Variants in SIAH1 observed in about 807,000 individuals in gnomAD.
SIAH1 encodes siah E3 ubiquitin protein ligase 1.
In SIAH1, 2 loss-of-function variants were observed where a neutral mutation model predicts 20.0. The ratio of observed to expected loss-of-function variants is 0.10; its 90% CI spans 0.04 to 0.31. The LOEUF is 0.31. Among genes scored for constraint, SIAH1 ranks in the 10% least tolerant of loss-of-function variants. The probability of loss-of-function intolerance (pLI) is 1.00; values close to 1 mark genes in which losing one functional copy is unlikely to be tolerated. For missense variants in SIAH1, 119 were observed against 355.3 expected, an observed-to-expected ratio of 0.33 and a Z score of 5.35; for synonymous variants, 118 against 125.3, an observed-to-expected ratio of 0.94 and a Z score of 0.39.
chr16:48,387,009 A>G (rs1490173390), upstream of SIAH1: 1 of 152,258 alleles, frequency 6.6e-6, no homozygotes, highest in Admixed American at 6.5e-5. Context: ...TCCATCTGAA[A>G]ATAACAGTCT....
rs988558019 is a variant in SIAH1, at chr16:48,361,652, A to G, written c.777T>C (p.Phe259=). Residue 259 remains phenylalanine (F), a synonymous_variant, in exon 2 of 2, where the codon TTT becomes TTC. Coordinates refer to ENST00000394725, the MANE Select transcript of SIAH1 (RefSeq NM_003031.4). ...CAAAAAGCTGTGCAATGCTGGTGTC[A>G]AAGACTAGACAGTCGCTATTCATAA... ...TAIMNSDCLV[F]DTSIAQLFAE... is the part of the protein sequence containing the mutation. The G allele has an allele frequency of 2.5e-6, 4 of 1,613,074 alleles. No individual in the cohort carries two copies. The highest frequency in any genetic ancestry group is 1.1e-5 in the South Asian group (1 of 91,074).
chr16:48,369,970 C>T (rs1048881506), intron 1 of SIAH1, among the ~76,000 whole-genome samples: 2 of 152,214 alleles, frequency 1.3e-5, no homozygotes, highest in African/African-American at 4.8e-5. Flanking sequence ...AAGTCTGAAG[C>T]TCTTGCATAA....
At chr16:48,383,434 G>C (rs534599011) in intron 1 of SIAH1, among the ~76,000 whole-genome samples, 9 of 152,112 alleles carry the variant, frequency 5.9e-5, no homozygotes, top group Admixed American at 1.3e-4. Context: ...ACCATAATTT[G>C]AGCCAACAAC....
At chr16:48,380,865 G>A (rs954138399) in intron 1 of SIAH1, among the ~76,000 whole-genome samples, 56 of 132,726 alleles carry the variant, frequency 4.2e-4, no homozygotes, top group African/African-American at 1.5e-3. Context: ...GGATGTGGAG[G>A]TTGCAATGAG....
intron 1 of SIAH1, among the ~76,000 whole-genome samples, chr16:48,373,305 G>A (rs538649511): frequency 2.8e-4 from 42 of 152,250 alleles, no homozygotes; most frequent in South Asian, 1.0e-3. Flanking sequence ...CCCCAGATTT[G>A]TAAATCCAAT....
chr16:48,372,442 A>G (rs1376272160), intron 1 of SIAH1, among the ~76,000 whole-genome samples: 1 of 152,196 alleles, frequency 6.6e-6, no homozygotes, highest in Non-Finnish European at 1.5e-5. Flanking sequence ...TAAAAATTTA[A>G]TATTTTACTT....
upstream of SIAH1, among the ~76,000 whole-genome samples, chr16:48,385,746 A>AC (rs1343314210): frequency 7.6e-4 from 113 of 149,408 alleles, 1 homozygote; most frequent in South Asian, 0.017. Flanking sequence ...GGGCCGCGTG[A>AC]CCCCCCCGGC....
intron 1 of SIAH1, among the ~76,000 whole-genome samples, chr16:48,372,895 T>C (rs768334134): frequency 1.3e-5 from 2 of 152,316 alleles, no homozygotes; most frequent in African/African-American, 4.8e-5. Flanking sequence ...GTGGTTTTGT[T>C]TGTATTTAAA....
At position 48,361,551 on chromosome 16, in the gene SIAH1, C is replaced by CCTAA; in HGVS notation, c.*28_*29insTTAG. On this transcript the variant is annotated 3_prime_UTR_variant, in exon 2 of 2. Coordinates refer to ENST00000394725, the MANE Select transcript of SIAH1 (RefSeq NM_003031.4). ...TTTTCTGTGAAACTGAAGTTTTAAA[C>CCTAA]ACTGGCCAGAAAATGTTTGATTGCC... The CCTAA allele has an allele frequency of 6.2e-7, 1 of 1,604,720 alleles. No individual in the cohort carries two copies. The highest frequency in any genetic ancestry group is 1.3e-5 in the African/African-American group (1 of 74,976).
intron 1 of SIAH1, chr16:48,363,998 G>A (rs1337088481): frequency 7.6e-6 from 1 of 131,212 alleles, no homozygotes; most frequent in Non-Finnish European, 1.5e-5. Flanking sequence ...TGCCCAGGCT[G>A]GAGTGCAATG....
Position 48,385,272 on chromosome 16 carries a change from C to T in SIAH1, c.-71G>A, listed in dbSNP as rs1211263303. On this transcript the variant is annotated 5_prime_UTR_variant, in exon 1 of 2. The change creates a new upstream start codon in the 5' untranslated region. Transcript: ENST00000394725. ...CGCGCTCCGTCGCCAACCCCCGCCA[C>T]CGCGGGCAGCGCCACCGCCTCTTCC... 1 of 314,854 alleles carries T rather than the reference C, an allele frequency of 3.2e-6. No individual in the cohort carries two copies. The highest frequency in any genetic ancestry group is 6.8e-6 in the Non-Finnish European group (1 of 148,070). The allele number at this position is 314,854 out of a possible 1,614,324, so 19.5% of individuals were successfully genotyped here. A position where few individuals can be genotyped will look rare whatever the true frequency, so the allele number is the denominator to read the frequency against.
In SIAH1 at chr16:48,385,283, GCCA is replaced by G. The variant is rs1294706632; in HGVS notation, c.-85_-83del. On this transcript the variant is annotated 5_prime_UTR_variant, in exon 1 of 2. Transcript: ENST00000394725. ...GCCAACCCCCGCCACCGCGGGCAGCGCCACCGCCTCTTCCCGGCGCCGAGACCG... is the reference window on the plus strand; with the variant it reads ...GCCAACCCCCGCCACCGCGGGCAGCGCCGCCTCTTCCCGGCGCCGAGACCG... 3.3e-6 allele frequency: 1 copy of G among 299,632 alleles called. No individual in the cohort carries two copies. The highest frequency in any genetic ancestry group is 7.1e-6 in the Non-Finnish European group (1 of 140,206). The allele number at this position is 299,632 out of a possible 1,614,324, so 18.6% of individuals were successfully genotyped here.
intron 1 of SIAH1, among the ~76,000 whole-genome samples, chr16:48,380,472 A>C (rs375782400): frequency 1.3e-4 from 20 of 152,194 alleles, no homozygotes; most frequent in African/African-American, 3.6e-4. Flanking sequence ...ACAAAAAAAA[A>C]ACAAAAACTC....
At chr16:48,386,539 T>C (rs538811099), upstream of SIAH1, among the ~76,000 whole-genome samples, 3 of 152,198 alleles carry the variant, frequency 2.0e-5, no homozygotes, top group East Asian at 5.8e-4. Context: ...AAAAATCCCA[T>C]ACCGGGCACG....
intron 1 of SIAH1, 123 bp downstream of exon 1, chr16:48,385,081 C>G (rs1301529027): frequency 6.5e-6 from 1 of 153,906 alleles, no homozygotes; most frequent in East Asian, 2.0e-4. Context: ...CGCCGCCGCG[C>G]CGACTACTGC....
At chr16:48,384,984 G>C (rs1597036972) in intron 1 of SIAH1, among the ~76,000 whole-genome samples, 2 of 146,784 alleles carry the variant, frequency 1.4e-5, no homozygotes, top group Non-Finnish European at 1.5e-5. Context: ...CCAGGGGCGG[G>C]GGCGAGCCGG....
rs548798356 is a variant in SIAH1 at position 48,361,775 on chromosome 16, A to T, written c.654T>A (p.Ala218=). 496 of 1,614,188 alleles carry T rather than the reference A, an allele frequency of 3.1e-4. 8 individuals are homozygous for T. The South Asian group carries it at 5.2e-3, about 17-fold the overall frequency. The change falls in exon 2 of 2, where the codon GCT becomes GCA. Residue 218 remains alanine (A), a synonymous_variant. Transcript: ENST00000394725. ...GCTCAAGTCGGTAAGCAAAATTTTC[A>T]GCTTGCTTGCGTGTTCCTATCAGCT... ...IVQLIGTRKQ[A]ENFAYRLELN...
chr16:48,366,292 G>C (rs1014596666), intron 1 of SIAH1, among the ~76,000 whole-genome samples: 1 of 152,220 alleles, frequency 6.6e-6, no homozygotes, highest in South Asian at 2.1e-4. Context: ...CAGGTTTATC[G>C]TGCGAACTCT....
chr16:48,379,818 G>A (rs572819256), intron 1 of SIAH1, among the ~76,000 whole-genome samples: 55 of 152,314 alleles, frequency 3.6e-4, no homozygotes, highest in Non-Finnish European at 6.0e-4. Context: ...AGATAAGAGA[G>A]CTTAATAGGA....
Sources: allele counts gnomAD v4.1 joint callset (sites outside exome capture counted in the v4.1 genomes callset), GRCh38; gene constraint gnomAD v4.1.1; transcripts MANE v1.5; gene names NCBI Gene and HGNC (gene_info 2026-07-23, HGNC 2026-07-21).